Variants in LZTS3 observed in about 807,000 individuals in gnomAD.
LZTS3 encodes leucine zipper putative tumor suppressor 3.
In LZTS3, 16 loss-of-function variants were observed where a neutral mutation model predicts 50.9. The ratio of observed to expected loss-of-function variants is 0.31; its 90% CI spans 0.21 to 0.48. LZTS3 has a LOEUF of 0.48. Among genes scored for constraint, LZTS3 ranks in the 20% least tolerant of loss-of-function variants. The pLI is 0.99. For missense variants in LZTS3, 816 were observed against 931.0 expected (o/e 0.88, Z 1.61); for synonymous variants, 408 against 410.6 (o/e 0.99, Z 0.08).
intron 1 of LZTS3, among the ~76,000 whole-genome samples, chr20:3,169,911 G>C (rs531860035): frequency 7.3e-6 from 1 of 136,058 alleles, no homozygotes; most frequent in African/African-American, 2.8e-5. Context: ...AAAAGCACTA[G>C]ATGGAGAGAG....
Position 3,165,055 on chromosome 20 carries a change from C to A in LZTS3, c.1421G>T (p.Arg474Leu). The A allele has an allele frequency of 1.3e-6, 2 of 1,580,638 alleles. No homozygotes were observed. Among genetic ancestry groups the A allele is most frequent in the Non-Finnish European group, 1.7e-6 (2 of 1,164,654 alleles). The change falls in exon 5 of 5, where the codon CGC becomes CTC. Residue 474 changes from arginine (R) to leucine (L), a missense_variant. By Grantham distance (102) the Arg-to-Leu change is moderately radical. Coordinates refer to ENST00000337576, the MANE Select transcript of LZTS3 (RefSeq NM_001365618.1). The surrounding 1 kb of genome is among the most constrained non-coding windows in gnomAD (Gnocchi z 5.0). ...SQKLSEIVGL[R>L]SQLREGRASL... Reference sequence around the variant, plus strand: ...AGCCCGGCCCTCCCGCAGCTGCGAGCGCAGTCCCACGATCTCACTCAACTT... The same window carrying A: ...AGCCCGGCCCTCCCGCAGCTGCGAGAGCAGTCCCACGATCTCACTCAACTT...
Position 3,165,405 on chromosome 20 carries a change from C to T in LZTS3, c.1323+92G>A. The T allele has an allele frequency of 8.6e-7, 1 of 1,160,972 alleles. No individual in the cohort carries two copies. Among genetic ancestry groups the T allele is most frequent in the Non-Finnish European group, 1.2e-6 (1 of 868,694 alleles). 71.9% of individuals were successfully genotyped at this position (1,160,972 alleles called of 1,614,324 possible). A position where few individuals can be genotyped will look rare whatever the true frequency, so the allele number is the denominator to read the frequency against. On this transcript the variant is annotated intron_variant, in intron 4 of 4. Coordinates refer to ENST00000337576, the MANE Select transcript of LZTS3 (RefSeq NM_001365618.1). The surrounding 1 kb of genome is among the most constrained non-coding windows in gnomAD (Gnocchi z 5.0). Reference sequence around the variant, plus strand: ...CTGCTCCTTTCATCCCCCCCCCCATCCCACCGTTATGATAGTGAGGGGCAA... The same window carrying T: ...CTGCTCCTTTCATCCCCCCCCCCATTCCACCGTTATGATAGTGAGGGGCAA...
chr20:3,167,540 C>T, intron 2 of LZTS3, 198 bp downstream of exon 2: 1 of 1,037,758 alleles, frequency 9.6e-7, no homozygotes, highest in Non-Finnish European at 1.2e-6. Flanking sequence ...CAACTCTTTG[C>T]TGCAACCCCA....
rs1186874228 is a variant in LZTS3 at position 3,162,725 on chromosome 20, C to T, written c.*1729G>A. 6.6e-6 allele frequency: 1 copy of T among 152,098 alleles called. No homozygotes were observed. The highest frequency in any genetic ancestry group is 1.5e-5 in the Non-Finnish European group (1 of 68,014). 9.4% of individuals were successfully genotyped at this position (152,098 alleles called of 1,614,324 possible). A position where few individuals can be genotyped will look rare whatever the true frequency, so the allele number is the denominator to read the frequency against. On this transcript the variant is annotated 3_prime_UTR_variant, in exon 5 of 5. Transcript: ENST00000337576. The surrounding 1 kb of genome is among the most constrained non-coding windows in gnomAD (Gnocchi z 5.0). The stretch of plus-strand genomic sequence containing the variant: ...ATTTATATATATTTATATATAATTT[C>T]TTTTGTGGTTGGACGTCCCAAAGCT...
At chr20:3,169,785 C>T (rs554490921) in intron 1 of LZTS3, among the ~76,000 whole-genome samples, 95 of 149,220 alleles carry the variant, frequency 6.4e-4, no homozygotes, top group African/African-American at 2.3e-3. Flanking sequence ...GGCTGAGGCA[C>T]GAGAACCCCC....
In LZTS3 at chr20:3,165,669, C is replaced by T. The variant is rs1369288289; in HGVS notation, c.1151G>A (p.Arg384His). The change falls in exon 4 of 5, where the codon CGC (arginine) becomes CAC (histidine). Residue 384 changes from arginine (R) to histidine (H), a missense_variant. Coordinates refer to ENST00000337576, the MANE Select transcript of LZTS3 (RefSeq NM_001365618.1). The surrounding 1 kb of genome is among the most constrained non-coding windows in gnomAD (Gnocchi z 5.0). ...KLQQVARRAQRAQQGLQLQVL... is the reference protein window; with the variant it reads ...KLQQVARRAQHAQQGLQLQVL... ...CTGCAGCTGTAGGCCCTGCTGGGCG[C>T]GCTGGGCACGTCGGGCCACCTGCTG... 1.9e-6 allele frequency: 3 copies of T among 1,587,788 alleles called. No homozygotes were observed. Among genetic ancestry groups the T allele is most frequent in the Non-Finnish European group, 2.6e-6 (3 of 1,174,320 alleles).
In LZTS3 at chr20:3,165,583, G is replaced by C. The variant is rs752426205; in HGVS notation, c.1237C>G (p.Gln413Glu). The C allele has an allele frequency of 2.5e-6, 4 of 1,596,176 alleles. No homozygotes were observed. Among genetic ancestry groups the C allele is most frequent in the Non-Finnish European group, 3.4e-6 (4 of 1,178,534 alleles). The change falls in exon 4 of 5, where the codon CAG (glutamine) becomes GAG (glutamate). Residue 413 changes from glutamine to glutamate, a missense_variant. Coordinates refer to ENST00000337576, the MANE Select transcript of LZTS3 (RefSeq NM_001365618.1). This position sits in a 1 kb window ranked among gnomAD's most constrained non-coding sequence, Gnocchi z 5.0. ...LQEEAARLMR[Q>E]REELEDKVAA... is the part of the protein sequence containing the mutation. ...ACCTTGTCCTCCAGCTCTTCCCGCT[G>C]CCGCATCAGCCGGGCCGCCTCCTCC...
rs1346490208 is a variant in LZTS3, at chr20:3,166,035, C to T, written c.785G>A (p.Gly262Asp). 1.2e-6 allele frequency: 2 copies of T among 1,612,800 alleles called. No individual in the cohort carries two copies. The highest frequency in any genetic ancestry group is 2.2e-5 in the East Asian group (1 of 44,874). Residue 262 changes from glycine (G) to aspartate (D), a missense_variant, in exon 4 of 5, where the codon GGC becomes GAC. Physicochemically the swap from Gly to Asp is moderately conservative, Grantham distance 94. Around this residue, in one of 3 missense-constraint regions of LZTS3, gnomAD observed 700 missense variants for 769.4 expected, o/e 0.91. Coordinates refer to ENST00000337576, the MANE Select transcript of LZTS3 (RefSeq NM_001365618.1). ...GTASYGSGSG[G>D]SSGGGSGYQD... ...GTAGCCCGACCCCCCACCGCTGCTG[C>T]CGCCACTACCACTACCATAGCTGGC...
At position 3,167,788 on chromosome 20, in the gene LZTS3, T is replaced by G. The variant is rs867110596; in HGVS notation, c.-69A>C. ...TGGAAGCTCACTACCAGCGCAGGCTTCTCTCCTTGCCTTTCCAAGGGGTTG... is the reference window on the plus strand; with the variant it reads ...TGGAAGCTCACTACCAGCGCAGGCTGCTCTCCTTGCCTTTCCAAGGGGTTG... On this transcript the variant is annotated 5_prime_UTR_variant, in exon 2 of 5. Coordinates refer to ENST00000337576, the MANE Select transcript of LZTS3 (RefSeq NM_001365618.1). 26 of 985,326 alleles carry G rather than the reference T, an allele frequency of 2.6e-5. No individual in the cohort carries two copies. The highest frequency in any genetic ancestry group is 1.0e-3 in the Middle Eastern group (2 of 1,936). 61.0% of individuals were successfully genotyped at this position (985,326 alleles called of 1,614,324 possible).
intron 1 of LZTS3, among the ~76,000 whole-genome samples, chr20:3,171,870 C>T (rs1283759873): frequency 2.0e-5 from 3 of 152,172 alleles, no homozygotes; most frequent in Admixed American, 6.5e-5. Context: ...TCTCTGTCAC[C>T]TCAGCCCTCA....
In LZTS3 at chr20:3,166,264, T is replaced by A. The variant is rs1394804725; in HGVS notation, c.556A>T (p.Thr186Ser). The change falls in exon 4 of 5, where the codon ACT becomes TCT. Residue 186 changes from threonine (T) to serine (S), a missense_variant. Physicochemically the swap from Thr to Ser is moderately conservative, Grantham distance 58. Around this residue, in one of 3 missense-constraint regions of LZTS3, gnomAD observed 700 missense variants for 769.4 expected, o/e 0.91. Coordinates refer to ENST00000337576, the MANE Select transcript of LZTS3 (RefSeq NM_001365618.1). Reference sequence around the variant, plus strand: ...CCAGGGCCCTGCCGTCCCTCAGGAGTCCCATTGGTCTGCGGGGGGCACAAA... The same window carrying A: ...CCAGGGCCCTGCCGTCCCTCAGGAGACCCATTGGTCTGCGGGGGGCACAAA... Reference protein sequence around the residue: ...QNLCPPQTNGTPEGRQGPGGL... With the variant: ...QNLCPPQTNGSPEGRQGPGGL... 10 of 1,613,546 alleles carry A rather than the reference T, an allele frequency of 6.2e-6. No homozygotes were observed. The highest frequency in any genetic ancestry group is 8.5e-6 in the Non-Finnish European group (10 of 1,179,876).
chr20:3,167,172 CA>C lies in LZTS3; in HGVS notation c.-10del, dbSNP rs2066842121. 6.8e-7 allele frequency: 1 copy of C among 1,462,144 alleles called. No homozygotes were observed. The highest frequency in any genetic ancestry group is 9.0e-7 in the Non-Finnish European group (1 of 1,112,266). 90.6% of individuals were successfully genotyped at this position (1,462,144 alleles called of 1,614,324 possible). ...GTCTCCAGCTTCGCCATGACTAAGC[CA>C]GGGGGGCACTGTGGGCACAGGTGGG... On this transcript the variant is annotated 5_prime_UTR_variant, in exon 3 of 5. Coordinates refer to ENST00000337576, the MANE Select transcript of LZTS3 (RefSeq NM_001365618.1).
chr20:3,165,409 C>A lies in LZTS3; in HGVS notation c.1323+88G>T. ...TCCTTTCATCCCCCCCCCCATCCCA[C>A]CGTTATGATAGTGAGGGGCAACTGC... On this transcript the variant is annotated intron_variant, in intron 4 of 4. Coordinates refer to ENST00000337576, the MANE Select transcript of LZTS3 (RefSeq NM_001365618.1). This position sits in a 1 kb window ranked among gnomAD's most constrained non-coding sequence, Gnocchi z 5.0. 3 of 1,309,844 alleles carry A rather than the reference C, an allele frequency of 2.3e-6. No homozygotes were observed. The highest frequency in any genetic ancestry group is 3.0e-6 in the Non-Finnish European group (3 of 999,026). The allele number at this position is 1,309,844 out of a possible 1,614,324, so 81.1% of individuals were successfully genotyped here.
At position 3,166,871 on chromosome 20, in the gene LZTS3, T is replaced by C. The variant is rs778227273; in HGVS notation, c.293A>G (p.Tyr98Cys). ...SEDKGLANSL[Y>C]LNGELRGSDH... Reference sequence around the variant, plus strand: ...ACTGCCCCGCAGCTCACCATTGAGGTAGAGGGAGTTGGCGAGACCCTTGTC... The same window carrying C: ...ACTGCCCCGCAGCTCACCATTGAGGCAGAGGGAGTTGGCGAGACCCTTGTC... The change falls in exon 3 of 5, where the codon TAC becomes TGC. Residue 98 changes from tyrosine to cysteine, a missense_variant. Physicochemically the swap from Tyr to Cys is radical, Grantham distance 194. Coordinates refer to ENST00000337576, the MANE Select transcript of LZTS3 (RefSeq NM_001365618.1). The C allele has an allele frequency of 2.5e-6, 4 of 1,613,624 alleles. No homozygotes were observed. The East Asian group carries it at 6.7e-5, about 27-fold the overall frequency.
At chr20:3,167,561 GTTCT>G (rs1568491827) in intron 2 of LZTS3, 173 bp downstream of exon 2, 13 of 1,015,618 alleles carry the variant, frequency 1.3e-5, no homozygotes, top group East Asian at 9.7e-5. Flanking sequence ...GAATTTTGGG[GTTCT>G]TTATCTTGGG....
In LZTS3 at chr20:3,164,947, C is replaced by T; in HGVS notation, c.1529G>A (p.Gly510Asp). The T allele has an allele frequency of 3.9e-6, 6 of 1,552,560 alleles. No homozygotes were observed. The highest frequency in any genetic ancestry group is 5.2e-6 in the Non-Finnish European group (6 of 1,155,130). The change falls in exon 5 of 5, where the codon GGC (glycine) becomes GAC (aspartate). Residue 510 changes from glycine (G) to aspartate (D), a missense_variant. Coordinates refer to ENST00000337576, the MANE Select transcript of LZTS3 (RefSeq NM_001365618.1). ...CTTGAGGCAGGCGGCAGGCAGCTCGCCTTCGCCCAGCTCCAGGCTGGCCTG... is the reference window on the plus strand; with the variant it reads ...CTTGAGGCAGGCGGCAGGCAGCTCGTCTTCGCCCAGCTCCAGGCTGGCCTG... The part of the protein sequence containing the change: ...SKQASLELGE[G>D]ELPAACLKPA...
chr20:3,169,347 G>A (rs926692752), intron 1 of LZTS3, among the ~76,000 whole-genome samples: 2 of 152,204 alleles, frequency 1.3e-5, no homozygotes, highest in Non-Finnish European at 2.9e-5. Flanking sequence ...AATGTGGGGA[G>A]CAGCTGGGGA....
rs2066793189 is a variant in LZTS3 at position 3,165,241 on chromosome 20, C to T, written c.1324-89G>A. The T allele has an allele frequency of 7.5e-7, 1 of 1,333,254 alleles. No individual in the cohort carries two copies. The highest frequency in any genetic ancestry group is 1.5e-5 in the South Asian group (1 of 65,538). The allele number at this position is 1,333,254 out of a possible 1,614,324, so 82.6% of individuals were successfully genotyped here. A position where few individuals can be genotyped will look rare whatever the true frequency, so the allele number is the denominator to read the frequency against. The stretch of plus-strand genomic sequence containing the variant: ...CTACCAGATCTGGAGCCAGGGGCAC[C>T]AAGCTTCCCGGGGCTGCAGGCTCAG... On this transcript the variant is annotated intron_variant, in intron 4 of 4. Transcript: ENST00000337576. The surrounding 1 kb of genome is among the most constrained non-coding windows in gnomAD (Gnocchi z 5.0).
chr20:3,172,819 AG>A (rs2122208013), intron 1 of LZTS3, among the ~76,000 whole-genome samples: 1 of 152,264 alleles, frequency 6.6e-6, no homozygotes, highest in African/African-American at 2.4e-5. Context: ...GAGGGAGGAA[AG>A]GGATCTGGGG....
Sources: allele counts gnomAD v4.1 joint callset (sites outside exome capture counted in the v4.1 genomes callset), GRCh38; gene constraint gnomAD v4.1.1; regional missense constraint gnomAD v4.1.1; non-coding constraint Gnocchi (gnomAD v3.1); transcripts MANE v1.5; gene names NCBI Gene and HGNC (gene_info 2026-07-23, HGNC 2026-07-21).